RIN2: variants seen among roughly 807,000 people sequenced by gnomAD.
RIN2 encodes the protein RAB5 interacting protein 2.
Under a neutral mutation model 78.0 loss-of-function variants are expected in RIN2, and 36 were observed. The ratio of observed to expected loss-of-function variants is 0.46; its 90% CI spans 0.35 to 0.61. The LOEUF is 0.61. Ranked by LOEUF, RIN2 falls within the 20% of genes least tolerant of loss-of-function variation. The pLI, the probability that RIN2 is intolerant of heterozygous loss-of-function variation, is 0.00. For missense variants in RIN2, 1,087 were observed against 1,159.7 expected (o/e 0.94, Z 0.91); for synonymous variants, 466 against 466.8 (o/e 1.00, Z 0.02).
chr20:19,983,439 A>G (rs1242003136), intron 9 of RIN2, among the ~76,000 whole-genome samples: 1 of 152,104 alleles, frequency 6.6e-6, no homozygotes, highest in African/African-American at 2.4e-5. Context: ...GTGAGGGTTA[A>G]TGAGGTAATA....
chr20:19,892,741 A>G (rs539322764), intron 3 of RIN2, among the ~76,000 whole-genome samples: 1 of 152,344 alleles, frequency 6.6e-6, no homozygotes, highest in East Asian at 1.9e-4. Context: ...ATTAGTCACC[A>G]ATATTCACAT....
At chr20:19,870,582 G>A (rs2037660444) in intron 2 of RIN2, among the ~76,000 whole-genome samples, 1 of 152,200 alleles carries the variant, frequency 6.6e-6, no homozygotes, top group South Asian at 2.1e-4. Context: ...AGGAGGCAGA[G>A]GTTGCAGTGA....
chr20:19,852,992 T>A (rs1449502375), intron 2 of RIN2, among the ~76,000 whole-genome samples: 1 of 151,556 alleles, frequency 6.6e-6, no homozygotes, highest in African/African-American at 2.4e-5. Flanking sequence ...CATTAACTCG[T>A]CATTTACATT....
intron 2 of RIN2, among the ~76,000 whole-genome samples, chr20:19,856,713 G>T (rs1312492288): frequency 6.6e-6 from 1 of 152,042 alleles, no homozygotes; most frequent in Non-Finnish European, 1.5e-5. Context: ...ATAAAATAAT[G>T]ATGTCCTTTA....
At chr20:19,855,872 G>A (rs567433582) in intron 2 of RIN2, among the ~76,000 whole-genome samples, 14 of 152,184 alleles carry the variant, frequency 9.2e-5, no homozygotes, top group African/African-American at 2.6e-4. Context: ...TCAGGAGTTC[G>A]AGACCAGCCT....
At chr20:19,896,051 C>T (rs2038705385) in intron 3 of RIN2, 2 of 152,238 alleles carry the variant, frequency 1.3e-5, no homozygotes, top group African/African-American at 4.8e-5. Flanking sequence ...TTTTTTGTTT[C>T]CAGATAAGTG....
At chr20:19,837,312 C>CTCAA (rs10669444) in intron 2 of RIN2, among the ~76,000 whole-genome samples, 15,644 of 152,080 alleles carry the variant, frequency 0.1, 907 homozygotes, top group South Asian at 0.16. Flanking sequence ...TGAGAATTAA[C>CTCAA]TCAATACACA....
At chr20:19,842,824 C>T (rs986725405) in intron 2 of RIN2, among the ~76,000 whole-genome samples, 5 of 151,816 alleles carry the variant, frequency 3.3e-5, no homozygotes, top group Admixed American at 6.6e-5. Flanking sequence ...GGTAGTGATT[C>T]CTCTGATGGA....
At chr20:19,853,539 C>G (rs1437943899) in intron 2 of RIN2, among the ~76,000 whole-genome samples, 14 of 152,194 alleles carry the variant, frequency 9.2e-5, no homozygotes, top group Non-Finnish European at 1.9e-4. Flanking sequence ...TCCTCTCCAG[C>G]ACCTGTTGTC....
chr20:19,942,340 C>A (rs550151989), intron 4 of RIN2, among the ~76,000 whole-genome samples: 2 of 152,240 alleles, frequency 1.3e-5, no homozygotes, highest in African/African-American at 4.8e-5. Flanking sequence ...AGAGGTACAT[C>A]AATTTCATTA....
chr20:19,807,511 G>C (rs1600501474), intron 2 of RIN2, among the ~76,000 whole-genome samples: 1 of 151,964 alleles, frequency 6.6e-6, no homozygotes, highest in Middle Eastern at 3.2e-3. Context: ...TCAGACCTGA[G>C]CTGGGAATTG....
At chr20:19,895,858 C>T (rs1397686318) in intron 3 of RIN2, 1 of 152,210 alleles carries the variant, frequency 6.6e-6, no homozygotes, top group Non-Finnish European at 1.5e-5. Flanking sequence ...AATAGATGAA[C>T]CAGTGGGTGA....
intron 1 of RIN2, among the ~76,000 whole-genome samples, chr20:19,795,381 T>C (rs947442965): frequency 1.3e-5 from 2 of 152,226 alleles, no homozygotes; most frequent in African/African-American, 2.4e-5. Flanking sequence ...CTGTTTATTG[T>C]AGTTTTCAAG....
chr20:19,968,074 T>C (rs2041992759), intron 7 of RIN2, among the ~76,000 whole-genome samples: 1 of 152,166 alleles, frequency 6.6e-6, no homozygotes, highest in South Asian at 2.1e-4. Context: ...GTCCAACACA[T>C]CCAGGTTTTG....
At chr20:19,952,956 G>A (rs1356651186) in intron 4 of RIN2, among the ~76,000 whole-genome samples, 9 of 152,150 alleles carry the variant, frequency 5.9e-5, no homozygotes, top group Non-Finnish European at 1.3e-4. Flanking sequence ...ATTGGTCACT[G>A]AGAGCTTGTT....
chr20:19,765,176 C>G (rs1318019854), intron 1 of RIN2, among the ~76,000 whole-genome samples: 1 of 152,174 alleles, frequency 6.6e-6, no homozygotes, highest in African/African-American at 2.4e-5. Flanking sequence ...TCTTCTCCCC[C>G]ACCCCCAAAT....
At chr20:19,904,185 T>G (rs780305404) in intron 3 of RIN2, among the ~76,000 whole-genome samples, 19 of 150,228 alleles carry the variant, frequency 1.3e-4, no homozygotes, top group Non-Finnish European at 2.7e-4. Context: ...TGAGCTGAGA[T>G]CATGCCATTG....
intron 2 of RIN2, among the ~76,000 whole-genome samples, chr20:19,882,920 A>G (rs984503527): frequency 6.6e-6 from 1 of 152,228 alleles, no homozygotes; most frequent in African/African-American, 2.4e-5. Context: ...AATGCATAAC[A>G]TACGGGTTAA....
chr20:19,917,521 A>C (rs1022643586), intron 3 of RIN2, among the ~76,000 whole-genome samples: 1 of 152,220 alleles, frequency 6.6e-6, no homozygotes, highest in African/African-American at 2.4e-5. Flanking sequence ...TACCACCTCT[A>C]ATCACTCCAC....
Sources: allele counts gnomAD v4.1 joint callset (sites outside exome capture counted in the v4.1 genomes callset), GRCh38; gene constraint gnomAD v4.1.1; transcripts MANE v1.5; gene names NCBI Gene and HGNC (gene_info 2026-07-23, HGNC 2026-07-21).